The following C6orf118 variants were observed in gnomAD, a reference collection of about 807,000 sequenced individuals.
C6orf118 encodes chromosome 6 open reading frame 118, also known as uncharacterized protein C6orf118.
In C6orf118, 50 loss-of-function variants were observed where a neutral mutation model predicts 50.2. The observed-to-expected ratio is 1.00, with a 90% confidence interval of 0.79 to 1.26. The LOEUF is 1.26. Among genes scored for constraint, C6orf118 ranks in the 50% most tolerant of loss-of-function variants. C6orf118 has a pLI of 0.00. For missense variants in C6orf118, 641 were observed against 578.7 expected (o/e 1.11, Z -1.10); for synonymous variants, 239 against 230.9 (o/e 1.03, Z -0.32).
intron 1 of C6orf118, 72 bp downstream of exon 1, chr6:165,309,490 G>A: frequency 1.3e-6 from 2 of 1,561,936 alleles, no homozygotes; most frequent in Non-Finnish European, 1.8e-6. Context: ...TCAGTCTTCA[G>A]AAGCCCATCC....
rs368120575 is a variant in C6orf118, at chr6:165,301,808, G to A, written c.514C>T (p.Arg172Cys). 15 of 1,613,734 alleles carry A rather than the reference G, an allele frequency of 9.3e-6. No homozygotes were observed. In the South Asian group the frequency reaches 1.2e-4, roughly 13 times the overall value. ...GGCAGCCGGAGTTCTTCCCTCCTGC[G>A]CCATCCAGGAGGGCCCCGTCCAGGA... The part of the protein sequence containing the change: ...GPPGRGPPGW[R>C]RREELRLPDL... The change falls in exon 2 of 9, where the codon CGC becomes TGC. Residue 172 changes from arginine to cysteine, a missense_variant. Transcript: ENST00000230301.
intron 1 of C6orf118, among the ~76,000 whole-genome samples, chr6:165,305,638 A>G (rs1449383404): frequency 1.1e-5 from 1 of 94,382 alleles, no homozygotes; most frequent in East Asian, 2.5e-4. Context: ...AAAAAAACAA[A>G]CAACCCCATC....
At chr6:165,297,392 A>G (rs1780346192) in intron 5 of C6orf118, among the ~76,000 whole-genome samples, 1 of 150,186 alleles carries the variant, frequency 6.7e-6, no homozygotes, top group Non-Finnish European at 1.5e-5. Context: ...CGACAGAGCA[A>G]GTCTCCATTA....
chr6:165,302,834 A>G (rs73788329), intron 1 of C6orf118, among the ~76,000 whole-genome samples: 5,869 of 152,206 alleles, frequency 0.039, 398 homozygotes, highest in African/African-American at 0.13. Flanking sequence ...CTTTTGAACC[A>G]CAGTTGCCTC....
rs755628635 is a variant in C6orf118 at position 165,309,587 on chromosome 6, C to G, written c.-1G>C. ...ATTCAGGCTCCCGCTCCTCCGCCAT[C>G]GCTTCCTTCCCTCCAGCTGCCTGGG... On this transcript the variant is annotated 5_prime_UTR_variant, in exon 1 of 9. Transcript: ENST00000230301. 24 of 1,614,024 alleles carry G rather than the reference C, an allele frequency of 1.5e-5. No homozygotes were observed. Among genetic ancestry groups the G allele is most frequent in the East Asian group, 4.5e-5 (2 of 44,896 alleles).
At chr6:165,288,715 A>G (rs1249429811) in intron 7 of C6orf118, among the ~76,000 whole-genome samples, 1 of 152,166 alleles carries the variant, frequency 6.6e-6, no homozygotes, top group Non-Finnish European at 1.5e-5. Flanking sequence ...GTTCTCACTT[A>G]TAAGTGGGAG....
chr6:165,283,052 G>A (rs1373363398), intron 7 of C6orf118, among the ~76,000 whole-genome samples: 1 of 152,104 alleles, frequency 6.6e-6, no homozygotes, highest in Non-Finnish European at 1.5e-5. Flanking sequence ...GCAGGGAGGG[G>A]CCAAGATGGC....
At chr6:165,307,164 G>C (rs1037027574) in intron 1 of C6orf118, among the ~76,000 whole-genome samples, 1 of 152,060 alleles carries the variant, frequency 6.6e-6, no homozygotes. Flanking sequence ...TTTTTAAACA[G>C]AGGTTTTTTA....
rs9459356 is a variant in C6orf118 at position 165,302,184 on chromosome 6, A to G, written c.138T>C (p.Asn46=). ...KTLCNLKKLL[N]RLQKDHREDV... is the part of the protein sequence containing the mutation. ...CCTCCCGGTGGTCTTTCTGAAGCCGATTCAGAAGTTTCTTCAGATTACACA... is the reference window on the plus strand; with the variant it reads ...CCTCCCGGTGGTCTTTCTGAAGCCGGTTCAGAAGTTTCTTCAGATTACACA... The change falls in exon 2 of 9, where the codon AAT becomes AAC. Residue 46 remains asparagine, a synonymous_variant. Transcript: ENST00000230301. 0.15 allele frequency: 235,933 copies of G among 1,612,884 alleles called. 19,567 individuals carry two copies. The highest frequency in any genetic ancestry group is 0.35 in the African/African-American group (26,081 of 74,132).
intron 7 of C6orf118, among the ~76,000 whole-genome samples, chr6:165,283,386 AGG>A (rs1289629836): frequency 6.6e-6 from 1 of 152,190 alleles, no homozygotes; most frequent in African/African-American, 2.4e-5. Context: ...GGTCCCAAGC[AGG>A]GGTTTACAGA....
rs1780569985 is a variant in C6orf118 at position 165,302,031 on chromosome 6, C to T, written c.291G>A (p.Pro97=). The change falls in exon 2 of 9, where the codon CCG becomes CCA. Residue 97 remains proline (P), a synonymous_variant. Coordinates refer to ENST00000230301, the MANE Select transcript of C6orf118 (RefSeq NM_144980.4). ...KGERASEVGE[P]PAGKVARMKE... is the part of the protein sequence containing the mutation. ...TCATCCTCGCCACCTTCCCTGCGGG[C>T]GGCTCTCCCACCTCAGAGGCGCGCT... 10 of 1,613,434 alleles carry T rather than the reference C, an allele frequency of 6.2e-6. No homozygotes were observed. The African/African-American group carries it at 6.7e-5, about 11-fold the overall frequency.
chr6:165,283,250 C>T (rs762986068), intron 7 of C6orf118, among the ~76,000 whole-genome samples: 9 of 152,098 alleles, frequency 5.9e-5, no homozygotes, highest in Non-Finnish European at 1.0e-4. Context: ...GGGGACCTTC[C>T]GCTCCCAGCC....
chr6:165,306,670 G>A (rs1273983460), intron 1 of C6orf118, among the ~76,000 whole-genome samples: 1 of 151,750 alleles, frequency 6.6e-6, no homozygotes, highest in Admixed American at 6.6e-5. Flanking sequence ...ATGGAAGATG[G>A]AAGAAGGAGG....
At position 165,308,558 on chromosome 6, in the gene C6orf118, C is replaced by T. The variant is rs79999438; in HGVS notation, c.25+1004G>A. 7.9e-3 allele frequency among the ~76,000 whole-genome samples: 1,205 copies of T among 152,266 alleles called. 13 individuals carry two copies. Among genetic ancestry groups the T allele is most frequent in the African/African-American group, 0.027 (1,117 of 41,564 alleles). ...ATCCCCTAGAAAGCAGCAAAACTGA[C>T]CTTACCCTCGAGTCCAGCCTGGTGA... On this transcript the variant is annotated intron_variant, in intron 1 of 8. Coordinates refer to ENST00000230301, the MANE Select transcript of C6orf118 (RefSeq NM_144980.4).
At chr6:165,293,650 A>G (rs1780185957) in intron 5 of C6orf118, among the ~76,000 whole-genome samples, 179 bp from the exon 6 acceptor site, 1 of 152,244 alleles carries the variant, frequency 6.6e-6, no homozygotes, top group Non-Finnish European at 1.5e-5. Flanking sequence ...GTCAAGTTAA[A>G]CAAAATAATA....
At chr6:165,303,369 G>A (rs1029257257) in intron 1 of C6orf118, among the ~76,000 whole-genome samples, 1 of 150,978 alleles carries the variant, frequency 6.6e-6, no homozygotes, top group Non-Finnish European at 1.5e-5. Context: ...GAGAAAGCAG[G>A]AAAGATCCAA....
At chr6:165,284,397 AC>A (rs1161805841) in intron 7 of C6orf118, among the ~76,000 whole-genome samples, 1 of 152,198 alleles carries the variant, frequency 6.6e-6, no homozygotes, top group Non-Finnish European at 1.5e-5. Context: ...TTGAAAACAT[AC>A]TTCAGTATTT....
At chr6:165,290,137 T>G in intron 6 of C6orf118, 70 bp from the exon 7 acceptor site, 1 of 890,312 alleles carries the variant, frequency 1.1e-6, no homozygotes, top group Admixed American at 3.2e-5. Context: ...GCATTATGTA[T>G]TATTAACAAT....
chr6:165,297,495 G>C (rs946494400), intron 5 of C6orf118, among the ~76,000 whole-genome samples: 1 of 150,830 alleles, frequency 6.6e-6, no homozygotes, highest in Non-Finnish European at 1.5e-5. Context: ...TTGTTTTTTG[G>C]TTTTGTTTCT....
Sources: gnomAD v4.1 joint callset for allele counts (sites outside exome capture counted in the v4.1 genomes callset) on GRCh38, gnomAD v4.1.1 for gene constraint, MANE v1.5 for transcripts, NCBI Gene and HGNC (gene_info 2026-07-23, HGNC 2026-07-21) for gene names.